The following NDE1 variants were observed in gnomAD, a reference collection of about 807,000 sequenced individuals.
NDE1 encodes nudE neurodevelopment protein 1.
A neutral mutation model predicts 43.4 loss-of-function variants in NDE1; 28 were observed. That is an observed-to-expected ratio of 0.65 (90% CI 0.48 to 0.89). The LOEUF is 0.89. NDE1 is among the 40% of genes least tolerant of loss of function. The probability of loss-of-function intolerance (pLI) is 0.00; values close to 1 mark genes in which losing one functional copy is unlikely to be tolerated. For synonymous variants in NDE1, 184 were observed against 172.0 expected, an observed-to-expected ratio of 1.07 and a Z score of -0.55; for missense variants, 441 against 434.1, an observed-to-expected ratio of 1.02 and a Z score of -0.14.
intron 1 of NDE1, among the ~76,000 whole-genome samples, chr16:15,644,898 G>A (rs903380171): frequency 6.0e-5 from 9 of 150,594 alleles, no homozygotes; most frequent in Non-Finnish European, 1.3e-4. Flanking sequence ...ATCAAAGAAT[G>A]CAGACACATT....
chr16:15,677,019 A>G (rs778851803), intron 3 of NDE1, among the ~76,000 whole-genome samples: 2 of 152,098 alleles, frequency 1.3e-5, no homozygotes, highest in African/African-American at 2.4e-5. Flanking sequence ...GATGGAGGCT[A>G]TAGGAATCTC....
rs77731107 is a variant in NDE1 at position 15,662,919 on chromosome 16, C to T, written c.-43-1817C>T. On this transcript the variant is annotated intron_variant, in intron 1 of 8. Coordinates refer to ENST00000396354, the MANE Select transcript of NDE1 (RefSeq NM_017668.3). ...TTCTTGCATTGCTGCAGGAGCTCCC[C>T]ATCTTAGGCCTTGTCCTTCCTCTGC... 4.7e-3 allele frequency among the ~76,000 whole-genome samples: 715 copies of T among 152,234 alleles called. 8 individuals are homozygous for T. The highest frequency in any genetic ancestry group is 0.016 in the African/African-American group (664 of 41,552).
At chr16:15,695,842 T>C in intron 7 of NDE1, 1 of 403,652 alleles carries the variant, frequency 2.5e-6, no homozygotes, top group Non-Finnish European at 3.3e-6. Flanking sequence ...GTCAGTGTCC[T>C]TTTGGTTTCC....
intron 8 of NDE1, chr16:15,719,517 CTG>C: frequency 6.2e-7 from 1 of 1,609,240 alleles, no homozygotes; most frequent in South Asian, 1.1e-5. Context: ...AATGCACAGA[CTG>C]GAGCTGCCAA....
intron 3 of NDE1, among the ~76,000 whole-genome samples, chr16:15,673,210 T>G (rs987049987): frequency 2.0e-5 from 3 of 152,004 alleles, no homozygotes; most frequent in Non-Finnish European, 2.9e-5. Context: ...GTGTTTTGTG[T>G]TTTCGGTTTT....
intron 8 of NDE1, among the ~76,000 whole-genome samples, chr16:15,706,385 C>T (rs956881795): frequency 1.3e-5 from 2 of 152,060 alleles, no homozygotes; most frequent in Non-Finnish European, 2.9e-5. Context: ...CAGCTCTCTT[C>T]GTCACAGTTT....
At position 15,724,399 on chromosome 16, in the gene NDE1, G is replaced by A. The variant is rs553877450; in HGVS notation, c.*148G>A. ...GGCAAAGTCCTGCAGCTTCTTCTTC[G>A]AGTCGGAGAGCTACAAGGACAGCGT... On this transcript the variant is annotated 3_prime_UTR_variant, in exon 9 of 9. Transcript: ENST00000396354. The A allele has an allele frequency of 2.9e-5, 46 of 1,613,818 alleles. No individual in the cohort carries two copies. In the African/African-American group the frequency reaches 3.7e-4, roughly 13 times the overall value.
intron 3 of NDE1, among the ~76,000 whole-genome samples, chr16:15,674,564 A>G (rs147933398): frequency 1.3e-5 from 2 of 151,972 alleles, no homozygotes; most frequent in African/African-American, 4.8e-5. Context: ...TTGTTTTTAA[A>G]CCCAGAGATT....
chr16:15,667,621 C>CTTTT (rs1457249746), intron 3 of NDE1, among the ~76,000 whole-genome samples, 182 bp downstream of exon 3: 1 of 113,264 alleles, frequency 8.8e-6, no homozygotes, highest in Admixed American at 1.0e-4. Context: ...GTGGGTGGTG[C>CTTTT]TTTTTGTTTT....
chr16:15,703,886 C>G (rs779481499), intron 8 of NDE1: 10 of 1,438,206 alleles, frequency 7.0e-6, no homozygotes, highest in Non-Finnish European at 9.8e-6. Context: ...ATGCTAAGTA[C>G]AGTCTGCTGG....
chr16:15,656,195 C>T (rs1021153674), intron 1 of NDE1, among the ~76,000 whole-genome samples: 4 of 152,106 alleles, frequency 2.6e-5, no homozygotes, highest in Non-Finnish European at 5.9e-5. Context: ...GCTGTTACTT[C>T]TTCCTTCTTT....
Position 15,650,266 on chromosome 16 carries a change from G to T in NDE1, c.-72G>T. The T allele has an allele frequency of 3.3e-6, 1 of 307,536 alleles. No individual in the cohort carries two copies. The highest frequency in any genetic ancestry group is 2.4e-5 in the South Asian group (1 of 41,866). 19.1% of individuals were successfully genotyped at this position (307,536 alleles called of 1,614,324 possible). On this transcript the variant is annotated 5_prime_UTR_variant, in exon 1 of 9. Transcript: ENST00000396354. ...CTTCGCAGCCGCCTCTGCCGCCGCC[G>T]CCGCGTTGGCCTCGCCGCCCCTGCT...
At chr16:15,693,612 G>C (rs1341783887) in intron 6 of NDE1, among the ~76,000 whole-genome samples, 1 of 151,980 alleles carries the variant, frequency 6.6e-6, no homozygotes, top group Non-Finnish European at 1.5e-5. Context: ...ATCAGCCTGG[G>C]CAACATAGTG....
intron 3 of NDE1, chr16:15,672,866 C>T (rs1239796491): frequency 1.3e-5 from 2 of 152,236 alleles, no homozygotes; most frequent in African/African-American, 4.8e-5. Context: ...CCTGGTCTGC[C>T]TCTACTTGCT....
rs978356985 is a variant in NDE1 at position 15,694,154 on chromosome 16, T to G, written c.704-11T>G. ...TTGGTGAGTTACATGCTCTTCCCTT[T>G]GCACACCCAGGCCTGGACGACTCCA... On this transcript the variant is annotated splice_polypyrimidine_tract_variant and intron_variant, in intron 6 of 8. Coordinates refer to ENST00000396354, the MANE Select transcript of NDE1 (RefSeq NM_017668.3). The G allele has an allele frequency of 1.7e-5, 27 of 1,612,122 alleles. 1 individual carries two copies. The highest frequency in any genetic ancestry group is 2.3e-5 in the Non-Finnish European group (27 of 1,179,948).
At chr16:15,681,222 G>T (rs1462966740) in intron 4 of NDE1, among the ~76,000 whole-genome samples, 1 of 106,414 alleles carries the variant, frequency 9.4e-6, no homozygotes, top group Non-Finnish European at 1.9e-5. Context: ...TAGGTGGATA[G>T]CCCAGTTGTG....
intron 8 of NDE1, among the ~76,000 whole-genome samples, chr16:15,705,685 C>G (rs1360497563): frequency 6.6e-6 from 1 of 151,962 alleles, no homozygotes; most frequent in Non-Finnish European, 1.5e-5. Context: ...ATTCTTTAGT[C>G]AAAAGGAACA....
intron 5 of NDE1, among the ~76,000 whole-genome samples, chr16:15,690,358 T>C (rs113533539): frequency 4.3e-3 from 328 of 76,144 alleles, no homozygotes; most frequent in East Asian, 0.014. Context: ...TTTTTCTTTT[T>C]TTTTTTTTTT....
chr16:15,682,042 T>C (rs1177740508), intron 4 of NDE1, among the ~76,000 whole-genome samples: 1 of 152,238 alleles, frequency 6.6e-6, no homozygotes, highest in African/African-American at 2.4e-5. Flanking sequence ...TTGTTTTTTC[T>C]TTCTTTTCTA....
Sources: gnomAD v4.1 joint callset for allele counts (sites outside exome capture counted in the v4.1 genomes callset) on GRCh38, gnomAD v4.1.1 for gene constraint, MANE v1.5 for transcripts, NCBI Gene and HGNC (gene_info 2026-07-23, HGNC 2026-07-21) for gene names.